ZNF689: variants seen among roughly 807,000 people sequenced by gnomAD.
ZNF689 encodes zinc finger protein 689.
A neutral mutation model predicts 37.2 loss-of-function variants in ZNF689; 14 were observed. The observed-to-expected ratio is 0.38, with a 90% CI of 0.25 to 0.59. The LOEUF is 0.59. ZNF689 is among the 20% of genes least tolerant of loss of function. The pLI, the probability that ZNF689 is intolerant of heterozygous loss-of-function variation, is 0.68. For missense variants in ZNF689, 573 were observed against 700.2 expected, an observed-to-expected ratio of 0.82 and a Z score of 2.05; for synonymous variants, 277 against 283.3, an observed-to-expected ratio of 0.98 and a Z score of 0.22.
Position 30,607,324 on chromosome 16 carries a change from G to A in ZNF689, c.320-1877C>T, listed in dbSNP as rs146064568. On this transcript the variant is annotated intron_variant, in intron 2 of 2. Coordinates refer to ENST00000287461, the MANE Select transcript of ZNF689 (RefSeq NM_138447.3). ...AACGTAAGTCCCAGCCAAGCGCAGT[G>A]GCTCATTCCTATAATCCCAGCACTT... Among the ~76,000 whole-genome samples the A allele has an allele frequency of 1.2e-3, 176 of 151,100 alleles. 1 individual carries two copies. The highest frequency in any genetic ancestry group is 4.0e-3 in the African/African-American group (166 of 41,142).
rs965485607 is a variant in ZNF689, at chr16:30,609,825, G to C, written c.205+12C>G. ...CTTCGCGCCCCGCGGCAGCGGATGGGGCCGGCCTCACCGAGCGCGCCCAGG... is the reference window on the plus strand; with the variant it reads ...CTTCGCGCCCCGCGGCAGCGGATGGCGCCGGCCTCACCGAGCGCGCCCAGG... On this transcript the variant is annotated intron_variant, in intron 1 of 2. Coordinates refer to ENST00000287461, the MANE Select transcript of ZNF689 (RefSeq NM_138447.3). 2 of 1,594,672 alleles carry C rather than the reference G, an allele frequency of 1.3e-6. No homozygotes were observed. The highest frequency in any genetic ancestry group is 4.5e-5 in the East Asian group (2 of 43,964).
At position 30,605,336 on chromosome 16, in the gene ZNF689, T is replaced by C; in HGVS notation, c.431A>G (p.Gln144Arg). ...AGGGCAGATGGGGCCCCCGGACGTC[T>C]GCCTAGGAATCAGTCGGGGTTTGCT... The part of the protein sequence containing the change: ...RPSKPRLIPR[Q>R]TSGGPICPDC... Residue 144 changes from glutamine (Q) to arginine (R), a missense_variant, in exon 3 of 3, where the codon CAG becomes CGG. By Grantham distance (43) the Gln-to-Arg change is conservative. Coordinates refer to ENST00000287461, the MANE Select transcript of ZNF689 (RefSeq NM_138447.3). The surrounding 1 kb of genome is among the most constrained non-coding windows in gnomAD (Gnocchi z 5.1). 1 of 1,613,122 alleles carries C rather than the reference T, an allele frequency of 6.2e-7. No homozygotes were observed. The highest frequency in any genetic ancestry group is 1.7e-5 in the Admixed American group (1 of 59,808).
chr16:30,604,644 A>G lies in ZNF689; in HGVS notation c.1123T>C (p.Cys375Arg). ...LLHTGEKPYPCPDCGRAFRRS... is the reference protein window; with the variant it reads ...LLHTGEKPYPRPDCGRAFRRS... ...CGGAAGGCACGCCCACAGTCTGGGCAGGGGTAGGGCTTCTCTCCGGTGTGC... is the reference window on the plus strand; with the variant it reads ...CGGAAGGCACGCCCACAGTCTGGGCGGGGGTAGGGCTTCTCTCCGGTGTGC... Residue 375 changes from cysteine (C) to arginine (R), a missense_variant, in exon 3 of 3, where the codon TGC (cysteine) becomes CGC (arginine). This residue lies in a region of ZNF689 where 317 missense variants were observed against 367.1 expected (regional missense o/e 0.86). Coordinates refer to ENST00000287461, the MANE Select transcript of ZNF689 (RefSeq NM_138447.3). The surrounding 1 kb of genome is among the most constrained non-coding windows in gnomAD (Gnocchi z 5.2). 6.2e-7 allele frequency: 1 copy of G among 1,611,694 alleles called. No homozygotes were observed. Among genetic ancestry groups the G allele is most frequent in the Non-Finnish European group, 8.5e-7 (1 of 1,179,328 alleles).
At position 30,609,975 on chromosome 16, in the gene ZNF689, C is replaced by T; in HGVS notation, c.67G>A (p.Gly23Ser). 1.9e-6 allele frequency: 3 copies of T among 1,611,600 alleles called. No individual in the cohort carries two copies. Among genetic ancestry groups the T allele is most frequent in the Non-Finnish European group, 1.7e-6 (2 of 1,179,358 alleles). The stretch of plus-strand genomic sequence containing the variant: ...AACTTCAGAGCCCTCGGCCTCCTGC[C>T]CCTTTTCCGACTGGGTCTGGCCTTT... ...PGKARPSRKR[G>S]RRPRALKFVD... Residue 23 changes from glycine (G) to serine (S), a missense_variant, in exon 1 of 3, where the codon GGC becomes AGC. Gly to Ser is a moderately conservative substitution (Grantham distance 56, BLOSUM62 0). Transcript: ENST00000287461.
rs747889869 is a variant in ZNF689 at position 30,604,102 on chromosome 16, C to T, written c.*162G>A. 10 of 798,128 alleles carry T rather than the reference C, an allele frequency of 1.3e-5. No homozygotes were observed. Among genetic ancestry groups the T allele is most frequent in the African/African-American group, 6.8e-5 (4 of 58,926 alleles). The allele number at this position is 798,128 out of a possible 1,614,324, so 49.4% of individuals were successfully genotyped here. On this transcript the variant is annotated 3_prime_UTR_variant, in exon 3 of 3. Coordinates refer to ENST00000287461, the MANE Select transcript of ZNF689 (RefSeq NM_138447.3). The surrounding 1 kb of genome is among the most constrained non-coding windows in gnomAD (Gnocchi z 5.2). Reference sequence around the variant, plus strand: ...TCTCCTAATGGGACTGTTCCAGACACGCACAGGGAGGCAGCCAGCGCATTG... The same window carrying T: ...TCTCCTAATGGGACTGTTCCAGACATGCACAGGGAGGCAGCCAGCGCATTG...
At chr16:30,609,350 A>G (rs1203470846) in intron 2 of ZNF689, 175 bp downstream of exon 2, 1 of 544,672 alleles carries the variant, frequency 1.8e-6, no homozygotes, top group East Asian at 3.0e-5. Flanking sequence ...GCAGACTGAC[A>G]TAGGAATCTC....
At position 30,604,735 on chromosome 16, in the gene ZNF689, G is replaced by A. The variant is rs947055510; in HGVS notation, c.1032C>T (p.Pro344=). 6.2e-7 allele frequency: 1 copy of A among 1,606,832 alleles called. No homozygotes were observed. Among genetic ancestry groups the A allele is most frequent in the Non-Finnish European group, 8.5e-7 (1 of 1,177,636 alleles). Residue 344 remains proline, a synonymous_variant, in exon 3 of 3, where the codon CCC becomes CCT. Coordinates refer to ENST00000287461, the MANE Select transcript of ZNF689 (RefSeq NM_138447.3). This position sits in a 1 kb window ranked among gnomAD's most constrained non-coding sequence, Gnocchi z 5.2. The part of the protein sequence containing the change: ...SHRRVHSGER[P]YACEHCEARF... ...GGGCCTCACAGTGCTCGCAGGCATAGGGACGCTCCCCAGAGTGCACACGCC... is the reference window on the plus strand; with the variant it reads ...GGGCCTCACAGTGCTCGCAGGCATAAGGACGCTCCCCAGAGTGCACACGCC...
In ZNF689 at chr16:30,610,276, C is replaced by T. The variant is rs1374445710; in HGVS notation, c.-235G>A. The stretch of plus-strand genomic sequence containing the variant: ...CGGAAGATGCCTTCGGGGAAAATGG[C>T]GGCGCTGCTACCGCACCGCCTTTGC... On this transcript the variant is annotated 5_prime_UTR_variant, in exon 1 of 3. Coordinates refer to ENST00000287461, the MANE Select transcript of ZNF689 (RefSeq NM_138447.3). 1.3e-5 allele frequency: 7 copies of T among 557,182 alleles called. No homozygotes were observed. The South Asian group carries it at 1.7e-4, about 13-fold the overall frequency. 34.5% of individuals were successfully genotyped at this position (557,182 alleles called of 1,614,324 possible).
chr16:30,609,515 T>C lies in ZNF689; in HGVS notation c.319+10A>G, dbSNP rs1445922814. 1 of 1,612,570 alleles carries C rather than the reference T, an allele frequency of 6.2e-7. No homozygotes were observed. Among genetic ancestry groups the C allele is most frequent in the Non-Finnish European group, 8.5e-7 (1 of 1,178,730 alleles). ...GGGCTGCAGGCTCTGCGTGGTTATT[T>C]AGCACTCACTTCTCTGGACTGTTAG... On this transcript the variant is annotated intron_variant, in intron 2 of 2. Coordinates refer to ENST00000287461, the MANE Select transcript of ZNF689 (RefSeq NM_138447.3).
rs762431385 is a variant in ZNF689, at chr16:30,605,438, G to C, written c.329C>G (p.Thr110Ser). ...RGLTVQRKSRTRKKNGEKEVF... is the reference protein window; with the variant it reads ...RGLTVQRKSRSRKKNGEKEVF... ...TTCCTTCTCCCCATTCTTCTTTCTG[G>C]TTCTGCTTTCTATAGAAATACAGAA... is the stretch of plus-strand genomic sequence containing the variant. The change falls in exon 3 of 3, where the codon ACC (threonine) becomes AGC (serine). Residue 110 changes from threonine (T) to serine (S), a missense_variant. Coordinates refer to ENST00000287461, the MANE Select transcript of ZNF689 (RefSeq NM_138447.3). The surrounding 1 kb of genome is among the most constrained non-coding windows in gnomAD (Gnocchi z 5.1). The C allele has an allele frequency of 6.2e-7, 1 of 1,611,412 alleles. No homozygotes were observed. The highest frequency in any genetic ancestry group is 1.1e-5 in the South Asian group (1 of 90,772).
At position 30,602,733 on chromosome 16, in the gene ZNF689, T is replaced by C. The variant is rs2051989271; in HGVS notation, c.*1531A>G. ...AGCTGCTCCCCTGCTTGTGCTGAGA[T>C]CAGGAGAGCTGTAGGAAGGAGCCAC... On this transcript the variant is annotated 3_prime_UTR_variant, in exon 3 of 3. Transcript: ENST00000287461. The C allele has an allele frequency of 6.6e-6, 1 of 152,124 alleles. No individual in the cohort carries two copies. The highest frequency in any genetic ancestry group is 1.5e-5 in the Non-Finnish European group (1 of 68,026). The allele number at this position is 152,124 out of a possible 1,614,324, so 9.4% of individuals were successfully genotyped here.
At chr16:30,609,773 C>A in intron 1 of ZNF689, 64 bp downstream of exon 1, 1 of 1,569,994 alleles carries the variant, frequency 6.4e-7, no homozygotes, top group Non-Finnish European at 8.6e-7. Flanking sequence ...GGCCTCCCTG[C>A]CTACACCCTC....
upstream of ZNF689, chr16:30,610,775 T>C (rs1439035024): frequency 6.6e-6 from 1 of 152,164 alleles, no homozygotes; most frequent in Non-Finnish European, 1.5e-5. Context: ...TTATCTTCTT[T>C]GTTTGCCCTT....
At chr16:30,609,696 C>T in intron 1 of ZNF689, 58 bp from the exon 2 acceptor site, 2 of 1,608,906 alleles carry the variant, frequency 1.2e-6, no homozygotes, top group African/African-American at 2.7e-5. Flanking sequence ...GTAGTATCTC[C>T]CCGACGGCAC....
Position 30,609,826 on chromosome 16 carries a change from G to T in ZNF689, c.205+11C>A. On this transcript the variant is annotated intron_variant, in intron 1 of 2. Coordinates refer to ENST00000287461, the MANE Select transcript of ZNF689 (RefSeq NM_138447.3). ...TTCGCGCCCCGCGGCAGCGGATGGG[G>T]CCGGCCTCACCGAGCGCGCCCAGGT... The T allele has an allele frequency of 6.3e-7, 1 of 1,594,728 alleles. No individual in the cohort carries two copies. The highest frequency in any genetic ancestry group is 8.5e-7 in the Non-Finnish European group (1 of 1,172,184).
At position 30,610,382 on chromosome 16, in the gene ZNF689, G is replaced by A; in HGVS notation, c.-341C>T. Reference sequence around the variant, plus strand: ...CTTCCTAACCTCTTTGCCCTCAAGTGTAATGGCGCTGCGATTGGGCTTCAC... The same window carrying A: ...CTTCCTAACCTCTTTGCCCTCAAGTATAATGGCGCTGCGATTGGGCTTCAC... On this transcript the variant is annotated 5_prime_UTR_variant, in exon 1 of 3. Transcript: ENST00000287461. 3.6e-6 allele frequency: 1 copy of A among 277,972 alleles called. No homozygotes were observed. The highest frequency in any genetic ancestry group is 6.8e-6 in the Non-Finnish European group (1 of 147,048). The allele number at this position is 277,972 out of a possible 1,614,324, so 17.2% of individuals were successfully genotyped here. A position where few individuals can be genotyped will look rare whatever the true frequency, so the allele number is the denominator to read the frequency against.
At chr16:30,609,704 C>A in intron 1 of ZNF689, 66 bp from the exon 2 acceptor site, 1 of 1,605,814 alleles carries the variant, frequency 6.2e-7, no homozygotes, top group Non-Finnish European at 8.5e-7. Flanking sequence ...TCCCCGACGG[C>A]ACCTCCTGCT....
In ZNF689 at chr16:30,604,279, C is replaced by T; in HGVS notation, c.1488G>A (p.Arg496=). The stretch of plus-strand genomic sequence containing the variant: ...CCTTCCCCTTCTAATGGGCGTTGCC[C>T]CTCTGACTGGAGCCCCCGATAGCAG... ...PRSAIGGSSQ[R]GNAH The change falls in exon 3 of 3, where the codon AGG becomes AGA. Residue 496 remains arginine (R), a synonymous_variant. Coordinates refer to ENST00000287461, the MANE Select transcript of ZNF689 (RefSeq NM_138447.3). This position sits in a 1 kb window ranked among gnomAD's most constrained non-coding sequence, Gnocchi z 5.2. The T allele has an allele frequency of 1.2e-6, 2 of 1,614,146 alleles. No homozygotes were observed. The highest frequency in any genetic ancestry group is 1.7e-6 in the Non-Finnish European group (2 of 1,180,042).
Position 30,610,337 on chromosome 16 carries a change from T to G in ZNF689, c.-296A>C. ...GGCAGCTTCCAGCTATCGATTTTAT[T>G]GACCGGAGCGCCATGCCGGCTTCCT... is the stretch of plus-strand genomic sequence containing the variant. On this transcript the variant is annotated 5_prime_UTR_variant, in exon 1 of 3. Transcript: ENST00000287461. The G allele has an allele frequency of 2.4e-6, 1 of 418,300 alleles. No homozygotes were observed. Among genetic ancestry groups the G allele is most frequent in the Non-Finnish European group, 4.3e-6 (1 of 232,458 alleles). The allele number at this position is 418,300 out of a possible 1,614,324, so 25.9% of individuals were successfully genotyped here.
Sources: allele counts gnomAD v4.1 joint callset (sites outside exome capture counted in the v4.1 genomes callset), GRCh38; gene constraint gnomAD v4.1.1; regional missense constraint gnomAD v4.1.1; non-coding constraint Gnocchi (gnomAD v3.1); transcripts MANE v1.5; gene names NCBI Gene and HGNC (gene_info 2026-07-23, HGNC 2026-07-21).